The following CCDC177 variants were observed in gnomAD, a reference collection of about 807,000 sequenced individuals.
The protein encoded by CCDC177 is coiled-coil domain-containing protein 177.
CCDC177 carries 2 observed loss-of-function variants against 7.3 expected under a neutral mutation model. The observed-to-expected ratio is 0.28, with a 90% CI of 0.11 to 0.87. CCDC177 has a LOEUF of 0.87. Among genes scored for constraint, CCDC177 ranks in the 40% least tolerant of loss-of-function variants. The pLI is 0.61. For missense variants in CCDC177, 874 were observed against 970.5 expected, an observed-to-expected ratio of 0.90 and a Z score of 1.32; for synonymous variants, 401 against 449.2, an observed-to-expected ratio of 0.89 and a Z score of 1.36.
In CCDC177 at chr14:69,573,094, CGGCG is replaced by C; in HGVS notation, c.525_528del (p.Ala176ProfsTer84). ...GCGCTCGGGGCCGAGGCCGCGGCGG[CGGCG>C]GCGGCGGCGGCGGCCGCGGGGCTCA... On this transcript the variant is annotated frameshift_variant, in exon 2 of 2. Coordinates refer to ENST00000599174, the MANE Select transcript of CCDC177 (RefSeq NM_001271507.2). LOFTEE classifies it low-confidence loss of function (END_TRUNC). The C allele has an allele frequency of 1.1e-6, 1 of 884,386 alleles. No individual in the cohort carries two copies. Among genetic ancestry groups the C allele is most frequent in the African/African-American group, 1.8e-5 (1 of 56,928 alleles). The allele number at this position is 884,386 out of a possible 1,614,324, so 54.8% of individuals were successfully genotyped here.
chr14:69,571,587 C>G lies in CCDC177; in HGVS notation c.2036G>C (p.Arg679Pro). 1.6e-6 allele frequency: 2 copies of G among 1,235,286 alleles called. No homozygotes were observed. The highest frequency in any genetic ancestry group is 2.0e-6 in the Non-Finnish European group (2 of 990,060). 76.5% of individuals were successfully genotyped at this position (1,235,286 alleles called of 1,614,324 possible). The change falls in exon 2 of 2, where the codon CGT becomes CCT. Residue 679 changes from arginine (R) to proline (P), a missense_variant. By Grantham distance (103) the Arg-to-Pro change is moderately radical (BLOSUM62 -2). Coordinates refer to ENST00000599174, the MANE Select transcript of CCDC177 (RefSeq NM_001271507.2). ...GTTGGTCTCCTCGCGCACCTTCTCACGCACGTGGAAGGAAGCCCGGGCTGT... is the reference window on the plus strand; with the variant it reads ...GTTGGTCTCCTCGCGCACCTTCTCAGGCACGTGGAAGGAAGCCCGGGCTGT... ...RSTARASFHV[R>P]EKVREETNTR...
rs1297653051 is a variant in CCDC177, at chr14:69,570,711, C to G, written c.*788G>C. The G allele has an allele frequency of 2.4e-6, 1 of 417,310 alleles. No individual in the cohort carries two copies. The highest frequency in any genetic ancestry group is 7.1e-5 in the East Asian group (1 of 14,178). The allele number at this position is 417,310 out of a possible 1,614,324, so 25.9% of individuals were successfully genotyped here. ...AGCTTAATGGAATGGAACACTGCTC[C>G]CAAAGGAATCCAGCCCCTCCAGGGG... On this transcript the variant is annotated 3_prime_UTR_variant, in exon 2 of 2. Transcript: ENST00000599174.
In CCDC177 at chr14:69,573,274, C is replaced by A. The variant is rs1884373947; in HGVS notation, c.349G>T (p.Asp117Tyr). ...CGGCCCGGAGCCTCTCGCACCAGGT[C>A]GGCCAGGGCCCGTGGCAGCAGCTCC... ...PVELLPRALA[D>Y]LVREAPGRSM... Residue 117 changes from aspartate (D) to tyrosine (Y), a missense_variant, in exon 2 of 2, where the codon GAC becomes TAC. Coordinates refer to ENST00000599174, the MANE Select transcript of CCDC177 (RefSeq NM_001271507.2). 1 of 1,231,276 alleles carries A rather than the reference C, an allele frequency of 8.1e-7. No homozygotes were observed. Among genetic ancestry groups the A allele is most frequent in the African/African-American group, 1.6e-5 (1 of 64,404 alleles). 76.3% of individuals were successfully genotyped at this position (1,231,276 alleles called of 1,614,324 possible).
Position 69,571,827 on chromosome 14 carries a change from G to C in CCDC177, c.1796C>G (p.Ala599Gly). The C allele has an allele frequency of 3.2e-6, 4 of 1,231,550 alleles. No individual in the cohort carries two copies. The highest frequency in any genetic ancestry group is 4.0e-6 in the Non-Finnish European group (4 of 987,872). 76.3% of individuals were successfully genotyped at this position (1,231,550 alleles called of 1,614,324 possible). The change falls in exon 2 of 2, where the codon GCG (alanine) becomes GGG (glycine). Residue 599 changes from alanine to glycine, a missense_variant. Ala to Gly is a moderately conservative substitution (Grantham distance 60, BLOSUM62 0). Transcript: ENST00000599174. ...ARAGERRLQH[A>G]TQVAEEAVQQ... Reference sequence around the variant, plus strand: ...CACTGCTTCCTCGGCCACCTGCGTCGCGTGCTGCAGCCGTCGCTCCCCCGC... The same window carrying C: ...CACTGCTTCCTCGGCCACCTGCGTCCCGTGCTGCAGCCGTCGCTCCCCCGC...
rs1332165240 is a variant in CCDC177 at position 69,572,746 on chromosome 14, G to A, written c.877C>T (p.Leu293=). 2.4e-6 allele frequency: 3 copies of A among 1,231,458 alleles called. No individual in the cohort carries two copies. The African/African-American group carries it at 4.7e-5, about 19-fold the overall frequency. The allele number at this position is 1,231,458 out of a possible 1,614,324, so 76.3% of individuals were successfully genotyped here. Reference sequence around the variant, plus strand: ...CGGCCGGTGATCGGAACCAGGGTCAGGGCAGACGGGCGGCCCGGAGCGTTG... The same window carrying A: ...CGGCCGGTGATCGGAACCAGGGTCAAGGCAGACGGGCGGCCCGGAGCGTTG... ...TTNAPGRPSA[L]TLVPITGRSF... The change falls in exon 2 of 2, where the codon CTG becomes TTG. Residue 293 remains leucine (L), a synonymous_variant. Transcript: ENST00000599174.
At position 69,574,782 on chromosome 14, in the gene CCDC177, C is replaced by G. The variant is rs1049026048; in HGVS notation, c.-269G>C. On this transcript the variant is annotated 5_prime_UTR_variant, in exon 1 of 2. Coordinates refer to ENST00000599174, the MANE Select transcript of CCDC177 (RefSeq NM_001271507.2). ...ACAATGTCTCCCTAAAATAACGCGGCTCTGCACCCTTCCCTCACATTGATT... is the reference window on the plus strand; with the variant it reads ...ACAATGTCTCCCTAAAATAACGCGGGTCTGCACCCTTCCCTCACATTGATT... 1 of 152,240 alleles carries G rather than the reference C, an allele frequency of 6.6e-6. No homozygotes were observed. Among genetic ancestry groups the G allele is most frequent in the Admixed American group, 6.5e-5 (1 of 15,278 alleles). 9.4% of individuals were successfully genotyped at this position (152,240 alleles called of 1,614,324 possible).
chr14:69,574,245 C>T lies in CCDC177; in HGVS notation c.-29+297G>A, dbSNP rs564921236. Reference sequence around the variant, plus strand: ...CTCCGGGAGGGGTGATGGATTCTTGCTCCAGCAGCTCTGGCAGGGCTTACT... The same window carrying T: ...CTCCGGGAGGGGTGATGGATTCTTGTTCCAGCAGCTCTGGCAGGGCTTACT... On this transcript the variant is annotated intron_variant, in intron 1 of 1. Coordinates refer to ENST00000599174, the MANE Select transcript of CCDC177 (RefSeq NM_001271507.2). Among the ~76,000 whole-genome samples, 386 of 152,328 alleles carry T rather than the reference C, an allele frequency of 2.5e-3. 3 individuals carry two copies. The highest frequency in any genetic ancestry group is 8.9e-3 in the African/African-American group (371 of 41,574).
rs141336782 is a variant in CCDC177 at position 69,572,758 on chromosome 14, G to T, written c.865C>A (p.Arg289Ser). The change falls in exon 2 of 2, where the codon CGC becomes AGC. Residue 289 changes from arginine to serine, a missense_variant. Transcript: ENST00000599174. ...GGAACCAGGGTCAGGGCAGACGGGC[G>T]GCCCGGAGCGTTGGTGGTGGAGGAC... ...SASSTTNAPG[R>S]PSALTLVPIT... 1.0e-3 allele frequency: 1,247 copies of T among 1,231,552 alleles called. 2 individuals carry two copies. The South Asian group carries it at 0.011, about 11-fold the overall frequency. The allele number at this position is 1,231,552 out of a possible 1,614,324, so 76.3% of individuals were successfully genotyped here. A position where few individuals can be genotyped will look rare whatever the true frequency, so the allele number is the denominator to read the frequency against.
rs1884335026 is a variant in CCDC177, at chr14:69,572,022, A to G, written c.1601T>C (p.Leu534Pro). ...RQEREGLRSS[L>P]EASLGRAQEN... ...CTGCGCACGGCCCAAACTGGCTTCC[A>G]GCGAGCTCCGCAGGCCCTCTCGCTC... is the stretch of plus-strand genomic sequence containing the variant. The change falls in exon 2 of 2, where the codon CTG becomes CCG. Residue 534 changes from leucine to proline, a missense_variant. By Grantham distance (98) the Leu-to-Pro change is moderately conservative. Transcript: ENST00000599174. 3.2e-6 allele frequency: 4 copies of G among 1,230,970 alleles called. No individual in the cohort carries two copies. The highest frequency in any genetic ancestry group is 4.0e-6 in the Non-Finnish European group (4 of 987,712). 76.3% of individuals were successfully genotyped at this position (1,230,970 alleles called of 1,614,324 possible). A position where few individuals can be genotyped will look rare whatever the true frequency, so the allele number is the denominator to read the frequency against.
rs963431913 is a variant in CCDC177 at position 69,571,423 on chromosome 14, G to A, written c.*76C>T. On this transcript the variant is annotated 3_prime_UTR_variant, in exon 2 of 2. Transcript: ENST00000599174. ...GCCACCGCGCTGCGCACCGAGCGGG[G>A]ACTCCCACGATGGTCAGTGGTTGAG... 5 of 1,055,830 alleles carry A rather than the reference G, an allele frequency of 4.7e-6. No homozygotes were observed. In the African/African-American group the frequency reaches 8.0e-5, roughly 17 times the overall value. The allele number at this position is 1,055,830 out of a possible 1,614,324, so 65.4% of individuals were successfully genotyped here.
In CCDC177 at chr14:69,573,532, A is replaced by C. The variant is rs1884380132; in HGVS notation, c.91T>G (p.Ser31Ala). Residue 31 changes from serine (S) to alanine (A), a missense_variant, in exon 2 of 2, where the codon TCC (serine) becomes GCC (alanine). Transcript: ENST00000599174. ...DEAVASVPPDSQGAQEPAASS... is the reference protein window; with the variant it reads ...DEAVASVPPDAQGAQEPAASS... ...GCTGCGGGCTCCTGTGCGCCCTGGG[A>C]ATCAGGGGGCACGGACGCCACGGCC... The C allele has an allele frequency of 5.7e-6, 7 of 1,231,514 alleles. No individual in the cohort carries two copies. The African/African-American group carries it at 7.8e-5, about 14-fold the overall frequency. 76.3% of individuals were successfully genotyped at this position (1,231,514 alleles called of 1,614,324 possible).
chr14:69,571,408 T>C lies in CCDC177; in HGVS notation c.*91A>G. 1.1e-6 allele frequency: 1 copy of C among 922,220 alleles called. No individual in the cohort carries two copies. Among genetic ancestry groups the C allele is most frequent in the Non-Finnish European group, 1.5e-6 (1 of 689,004 alleles). 57.1% of individuals were successfully genotyped at this position (922,220 alleles called of 1,614,324 possible). A position where few individuals can be genotyped will look rare whatever the true frequency, so the allele number is the denominator to read the frequency against. ...CAGAAGCCTCGAGAGGCCACCGCGC[T>C]GCGCACCGAGCGGGGACTCCCACGA... On this transcript the variant is annotated 3_prime_UTR_variant, in exon 2 of 2. Transcript: ENST00000599174.
chr14:69,570,669 GC>G lies in CCDC177; in HGVS notation c.*829del, dbSNP rs1256401212. 1 of 377,816 alleles carries G rather than the reference GC, an allele frequency of 2.6e-6. No homozygotes were observed. The highest frequency in any genetic ancestry group is 5.2e-6 in the Non-Finnish European group (1 of 193,760). The allele number at this position is 377,816 out of a possible 1,614,324, so 23.4% of individuals were successfully genotyped here. On this transcript the variant is annotated 3_prime_UTR_variant, in exon 2 of 2. Coordinates refer to ENST00000599174, the MANE Select transcript of CCDC177 (RefSeq NM_001271507.2). The stretch of plus-strand genomic sequence containing the variant: ...CATGACTGCTGTCTTCATGGAGTGG[GC>G]CCCACCCTGCAAGGAAGCTTAATGG...
At chr14:69,573,955 A>T (rs575407890) in intron 1 of CCDC177, among the ~76,000 whole-genome samples, 3 of 152,304 alleles carry the variant, frequency 2.0e-5, no homozygotes, top group African/African-American at 7.2e-5. Context: ...TTCTGCTGCA[A>T]GTTAAGATGA....
intron 1 of CCDC177, 85 bp from the exon 2 acceptor site, chr14:69,573,735 A>T: frequency 8.6e-7 from 1 of 1,156,090 alleles, no homozygotes; most frequent in Non-Finnish European, 1.1e-6. Flanking sequence ...TCCCAACTTA[A>T]TCCGCTTTCG....
At chr14:69,573,907 G>T (rs943678668) in intron 1 of CCDC177, among the ~76,000 whole-genome samples, 1 of 152,226 alleles carries the variant, frequency 6.6e-6, no homozygotes, top group Admixed American at 6.5e-5. Context: ...CCTGTGGCGA[G>T]GCTCCTCTGG....
chr14:69,573,708 C>T (rs540809779), intron 1 of CCDC177, 58 bp from the exon 2 acceptor site: 6 of 1,214,370 alleles, frequency 4.9e-6, no homozygotes, highest in African/African-American at 1.6e-5. Context: ...CCCCCCTCCT[C>T]ATCCATAGTC....
In CCDC177 at chr14:69,573,344, G is replaced by T. The variant is rs1432802928; in HGVS notation, c.279C>A (p.Ser93Arg). The T allele has an allele frequency of 8.1e-7, 1 of 1,231,408 alleles. No individual in the cohort carries two copies. Among genetic ancestry groups the T allele is most frequent in the Non-Finnish European group, 1.0e-6 (1 of 987,704 alleles). 76.3% of individuals were successfully genotyped at this position (1,231,408 alleles called of 1,614,324 possible). A position where few individuals can be genotyped will look rare whatever the true frequency, so the allele number is the denominator to read the frequency against. ...GGGCGCAGGCCTCTAGCGAGCGGGG[G>T]CTGGTCAGCACGTAGCGGCTGCCCT... ...EAEGSRYVLT[S>R]PRSLEACARC... is the part of the protein sequence containing the mutation. The change falls in exon 2 of 2, where the codon AGC becomes AGA. Residue 93 changes from serine (S) to arginine (R), a missense_variant. Transcript: ENST00000599174.
Position 69,571,902 on chromosome 14 carries a change from G to A in CCDC177, c.1721C>T (p.Ala574Val). The A allele has an allele frequency of 8.1e-7, 1 of 1,231,750 alleles. No individual in the cohort carries two copies. The highest frequency in any genetic ancestry group is 1.0e-6 in the Non-Finnish European group (1 of 988,066). The allele number at this position is 1,231,750 out of a possible 1,614,324, so 76.3% of individuals were successfully genotyped here. A position where few individuals can be genotyped will look rare whatever the true frequency, so the allele number is the denominator to read the frequency against. The change falls in exon 2 of 2, where the codon GCA becomes GTA. Residue 574 changes from alanine to valine, a missense_variant. Transcript: ENST00000599174. ...CTGATGTTCCCGCTCTTTGCGCTCT[G>A]CCGCCTCCTTGGCCCGCCGACCCTG... is the stretch of plus-strand genomic sequence containing the variant. ...ELQGRRAKEAAERKEREHQAH... is the reference protein window; with the variant it reads ...ELQGRRAKEAVERKEREHQAH...
Sources: allele counts gnomAD v4.1 joint callset (sites outside exome capture counted in the v4.1 genomes callset), GRCh38; gene constraint gnomAD v4.1.1; transcripts MANE v1.5; gene names NCBI Gene and HGNC (gene_info 2026-07-23, HGNC 2026-07-21).